FAM135A: variants seen among roughly 807,000 people sequenced by gnomAD.
FAM135A encodes the protein family with sequence similarity 135 member A.
In FAM135A, 79 loss-of-function variants were observed where a neutral mutation model predicts 146.8. That is an observed-to-expected ratio of 0.54 (90% confidence interval 0.45 to 0.65). The LOEUF (loss-of-function observed/expected upper bound fraction) is 0.65. Among genes scored for constraint, FAM135A ranks in the 30% least tolerant of loss-of-function variants. The probability of loss-of-function intolerance (pLI) is 0.00; values close to 1 mark genes in which losing one functional copy is unlikely to be tolerated. For synonymous variants in FAM135A, 562 were observed against 603.6 expected (o/e 0.93, Z 1.01); for missense variants, 1,623 against 1,758.2 (o/e 0.92, Z 1.38).
At chr6:70,466,924 T>C (rs889026273) in intron 5 of FAM135A, among the ~76,000 whole-genome samples, 3 of 152,330 alleles carry the variant, frequency 2.0e-5, no homozygotes, top group East Asian at 3.9e-4. Flanking sequence ...CATTGGTCAC[T>C]GTAGATTAGC....
intron 20 of FAM135A, 173 bp from the exon 21 acceptor site, chr6:70,556,577 G>GT: frequency 7.7e-6 from 4 of 518,372 alleles, no homozygotes; most frequent in Non-Finnish European, 6.8e-6. Flanking sequence ...AGTGAGGTGG[G>GT]TTTTTTTGTA....
rs748081977 is a variant in FAM135A, at chr6:70,522,497, C to G, written c.1030-16C>G. On this transcript the variant is annotated splice_polypyrimidine_tract_variant and intron_variant, in intron 12 of 21. Coordinates refer to ENST00000418814, the MANE Select transcript of FAM135A (RefSeq NM_001162529.3). ...AATACGTCATGTTATTAATACTCTCCTTTGGAATTTTTTAGGTACGCAGAT... is the reference window on the plus strand; with the variant it reads ...AATACGTCATGTTATTAATACTCTCGTTTGGAATTTTTTAGGTACGCAGAT... 3 of 1,611,812 alleles carry G rather than the reference C, an allele frequency of 1.9e-6. No individual in the cohort carries two copies. Among genetic ancestry groups the G allele is most frequent in the Non-Finnish European group, 2.5e-6 (3 of 1,178,604 alleles).
chr6:70,525,929 A>G lies in FAM135A; in HGVS notation c.2845A>G (p.Lys949Glu). Reference protein sequence around the residue: ...SSKPNLDTMCKGFQSPDKSNN... With the variant: ...SSKPNLDTMCEGFQSPDKSNN... ...CAAACCTAACTTGGATACTATGTGT[A>G]AAGGCTTCCAGAGTCCTGATAAATC... The change falls in exon 15 of 22, where the codon AAA becomes GAA. Residue 949 changes from lysine to glutamate, a missense_variant. Coordinates refer to ENST00000418814, the MANE Select transcript of FAM135A (RefSeq NM_001162529.3). 1 of 1,613,486 alleles carries G rather than the reference A, an allele frequency of 6.2e-7. No homozygotes were observed. Among genetic ancestry groups the G allele is most frequent in the Non-Finnish European group, 8.5e-7 (1 of 1,179,614 alleles).
intron 19 of FAM135A, among the ~76,000 whole-genome samples, chr6:70,537,754 A>G (rs1797046855): frequency 6.6e-6 from 1 of 152,216 alleles, no homozygotes; most frequent in South Asian, 2.1e-4. Flanking sequence ...AGCAAGATGC[A>G]TTTAAATATG....
chr6:70,475,286 A>T, intron 5 of FAM135A, 124 bp from the exon 6 acceptor site: 1 of 689,996 alleles, frequency 1.4e-6, no homozygotes, highest in East Asian at 3.2e-5. Context: ...CCAATACTGC[A>T]GTATAAATTG....
chr6:70,453,877 G>A (rs568905068), intron 5 of FAM135A, among the ~76,000 whole-genome samples: 65 of 152,208 alleles, frequency 4.3e-4, no homozygotes, highest in African/African-American at 3.4e-4. Context: ...ATAAACATAC[G>A]TGTGCATGTG....
At chr6:70,431,172 C>T (rs921084747) in intron 4 of FAM135A, among the ~76,000 whole-genome samples, 2 of 152,054 alleles carry the variant, frequency 1.3e-5, no homozygotes, top group East Asian at 1.9e-4. Flanking sequence ...TTCTAGGTAT[C>T]GATTTCTGTA....
At chr6:70,507,702 A>G (rs187839018) in intron 12 of FAM135A, among the ~76,000 whole-genome samples, 5 of 152,270 alleles carry the variant, frequency 3.3e-5, no homozygotes, top group Admixed American at 3.3e-4. Context: ...TTCTGTAGTC[A>G]CATGCCGTAC....
At chr6:70,533,098 G>C (rs1796137340) in intron 16 of FAM135A, 62 bp from the exon 17 acceptor site, 2 of 1,291,580 alleles carry the variant, frequency 1.5e-6, no homozygotes, top group Admixed American at 3.5e-5. Context: ...AAAAATATGT[G>C]ATGGTGTACT....
At chr6:70,441,684 A>AT (rs1562424548) in intron 4 of FAM135A, among the ~76,000 whole-genome samples, 1 of 146,806 alleles carries the variant, frequency 6.8e-6, no homozygotes. Flanking sequence ...AGCATTAGCA[A>AT]ATTTTTTTTT....
At position 70,463,455 on chromosome 6, in the gene FAM135A, T is replaced by G. The variant is rs187717723; in HGVS notation, c.157+10884T>G. Among the ~76,000 whole-genome samples the G allele has an allele frequency of 4.7e-3, 707 of 151,890 alleles. 2 individuals carry two copies. Among genetic ancestry groups the G allele is most frequent in the Admixed American group, 7.0e-3 (107 of 15,232 alleles). ...AAAAAATTTGTAGAGACGGGAGTCTTAACTGTGTTGCCCAGGCTGGTCTCA... is the reference window on the plus strand; with the variant it reads ...AAAAAATTTGTAGAGACGGGAGTCTGAACTGTGTTGCCCAGGCTGGTCTCA... On this transcript the variant is annotated intron_variant, in intron 5 of 21. Coordinates refer to ENST00000418814, the MANE Select transcript of FAM135A (RefSeq NM_001162529.3).
chr6:70,498,989 GT>G (rs1259568175), intron 11 of FAM135A, among the ~76,000 whole-genome samples: 3 of 152,106 alleles, frequency 2.0e-5, no homozygotes, highest in African/African-American at 7.2e-5. Flanking sequence ...TGTCTATTAG[GT>G]CCACTTGATC....
intron 10 of FAM135A, among the ~76,000 whole-genome samples, chr6:70,483,369 C>T (rs1057036564): frequency 1.3e-5 from 2 of 152,050 alleles, no homozygotes; most frequent in Non-Finnish European, 1.5e-5. Flanking sequence ...TGTGTTTATT[C>T]TTTTTTGACC....
Position 70,525,969 on chromosome 6 carries a change from G to C in FAM135A, c.2885G>C (p.Gly962Ala). ...CCTGATAAATCTAATAACTCTACAG[G>C]GACAGCAATTACATTAAATTCAAAA... ...QSPDKSNNSTGTAITLNSKLI... is the reference protein window; with the variant it reads ...QSPDKSNNSTATAITLNSKLI... Residue 962 changes from glycine (G) to alanine (A), a missense_variant, in exon 15 of 22, where the codon GGG becomes GCG. This residue lies in a region of FAM135A where 1,061 missense variants were observed against 1,113.8 expected (regional missense o/e 0.95). Coordinates refer to ENST00000418814, the MANE Select transcript of FAM135A (RefSeq NM_001162529.3). The C allele has an allele frequency of 6.2e-7, 1 of 1,613,084 alleles. No homozygotes were observed. Among genetic ancestry groups the C allele is most frequent in the Admixed American group, 1.7e-5 (1 of 59,908 alleles).
At chr6:70,441,914 A>G (rs1774586148) in intron 4 of FAM135A, among the ~76,000 whole-genome samples, 1 of 151,896 alleles carries the variant, frequency 6.6e-6, no homozygotes, top group Non-Finnish European at 1.5e-5. Context: ...CGTACTCCTG[A>G]CCTCGTGATC....
At chr6:70,479,252 A>G (rs1176601298) in intron 8 of FAM135A, among the ~76,000 whole-genome samples, 1 of 152,190 alleles carries the variant, frequency 6.6e-6, no homozygotes, top group African/African-American at 2.4e-5. Flanking sequence ...CATCGTAGTG[A>G]GTTAAATACG....
chr6:70,537,902 A>G (rs1797075923), intron 19 of FAM135A, among the ~76,000 whole-genome samples: 1 of 152,254 alleles, frequency 6.6e-6, no homozygotes, highest in Non-Finnish European at 1.5e-5. Context: ...AACTGTAATT[A>G]TAGACTGATC....
intron 4 of FAM135A, among the ~76,000 whole-genome samples, chr6:70,451,911 T>G (rs895271002): frequency 6.6e-6 from 1 of 152,050 alleles, no homozygotes; most frequent in Non-Finnish European, 1.5e-5. Context: ...TACCTCATAA[T>G]CATCTTTTTC....
At chr6:70,467,375 T>C (rs946795615) in intron 5 of FAM135A, among the ~76,000 whole-genome samples, 2 of 152,094 alleles carry the variant, frequency 1.3e-5, no homozygotes, top group Non-Finnish European at 2.9e-5. Context: ...TTCAAAAATC[T>C]GGTAGAATAT....
Sources: allele counts gnomAD v4.1 joint callset (sites outside exome capture counted in the v4.1 genomes callset), GRCh38; gene constraint gnomAD v4.1.1; regional missense constraint gnomAD v4.1.1; transcripts MANE v1.5; gene names NCBI Gene and HGNC (gene_info 2026-07-23, HGNC 2026-07-21).